Variants in RGS7 observed in about 807,000 individuals in gnomAD.
RGS7 encodes the protein regulator of G-protein signaling 7.
Under a neutral mutation model 81.1 loss-of-function variants are expected in RGS7, and 27 were observed. The observed-to-expected ratio is 0.33, with a 90% confidence interval of 0.25 to 0.46. RGS7 has a LOEUF of 0.46. Ranked by LOEUF, RGS7 falls within the 20% of genes least tolerant of loss-of-function variation. The pLI is 1.00. For synonymous variants in RGS7, 208 were observed against 207.7 expected, an observed-to-expected ratio of 1.00 and a Z score of -0.01; for missense variants, 396 against 607.4, an observed-to-expected ratio of 0.65 and a Z score of 3.66.
intron 3 of RGS7, chr1:240,998,337 A>G (rs1166156441): frequency 4.4e-6 from 2 of 455,186 alleles, no homozygotes; most frequent in African/African-American, 2.0e-5. Context: ...AGCTTCTTCA[A>G]CTGAAGGTTT....
intron 2 of RGS7, among the ~76,000 whole-genome samples, chr1:241,104,324 C>G (rs985522523): frequency 6.6e-6 from 1 of 152,110 alleles, no homozygotes; most frequent in African/African-American, 2.4e-5. Flanking sequence ...AATTGTCAAG[C>G]AATAAGTAGT....
chr1:240,920,608 T>A lies in RGS7; in HGVS notation c.385+10109A>T, dbSNP rs1420452019. 3.8e-6 allele frequency: 4 copies of A among 1,053,858 alleles called. No homozygotes were observed. In the Admixed American group the frequency reaches 6.8e-5, roughly 18 times the overall value. The allele number at this position is 1,053,858 out of a possible 1,614,324, so 65.3% of individuals were successfully genotyped here. On this transcript the variant is annotated intron_variant, in intron 6 of 18. Coordinates refer to ENST00000440928, the MANE Select transcript of RGS7 (RefSeq NM_001364886.1). ...AGTAGCTACGGCAGTGGCAGAAGAT[T>A]TTAATTAGGAAACAAAGCTTAGCGG... is the stretch of plus-strand genomic sequence containing the variant.
chr1:241,074,006 T>C (rs1475924755), intron 3 of RGS7, among the ~76,000 whole-genome samples: 1 of 152,072 alleles, frequency 6.6e-6, no homozygotes, highest in Admixed American at 6.5e-5. Context: ...GTTCAAGTGA[T>C]TCTCGTGCCT....
intron 13 of RGS7, among the ~76,000 whole-genome samples, 194 bp from the exon 14 acceptor site, chr1:240,812,237 T>A (rs377397226): frequency 6.6e-6 from 1 of 152,126 alleles, no homozygotes; most frequent in Non-Finnish European, 1.5e-5. Context: ...AGTCTAACAT[T>A]TATTGAGCAT....
chr1:241,153,526 C>G (rs1247375670), intron 2 of RGS7, among the ~76,000 whole-genome samples: 1 of 152,164 alleles, frequency 6.6e-6, no homozygotes, highest in Non-Finnish European at 1.5e-5. Flanking sequence ...AAGGGAAATA[C>G]TCTGTGCTGC....
chr1:240,885,763 G>A (rs1667244074), intron 6 of RGS7, among the ~76,000 whole-genome samples: 1 of 152,142 alleles, frequency 6.6e-6, no homozygotes. Context: ...GAGGGTGGGA[G>A]GAGGAAGAGG....
chr1:241,238,550 T>G (rs1318128388), intron 2 of RGS7, among the ~76,000 whole-genome samples: 1 of 152,164 alleles, frequency 6.6e-6, no homozygotes, highest in Non-Finnish European at 1.5e-5. Flanking sequence ...CTTTTAAAAT[T>G]TTTAGAGGAG....
intron 3 of RGS7, among the ~76,000 whole-genome samples, chr1:241,091,430 C>A (rs544512434): frequency 2.0e-5 from 3 of 151,944 alleles, no homozygotes; most frequent in African/African-American, 7.2e-5. Flanking sequence ...CACCTGTAGT[C>A]CCAGCTACTC....
intron 3 of RGS7, among the ~76,000 whole-genome samples, chr1:241,036,388 G>T (rs2060327862): frequency 6.6e-6 from 1 of 152,102 alleles, no homozygotes. Flanking sequence ...TTATTCATAA[G>T]TCCTGCCACT....
intron 2 of RGS7, among the ~76,000 whole-genome samples, chr1:241,314,068 G>A (rs1008565394): frequency 6.6e-6 from 1 of 152,136 alleles, no homozygotes; most frequent in Non-Finnish European, 1.5e-5. Flanking sequence ...TAGTGAAGAC[G>A]CTATGAACAT....
chr1:241,247,259 G>A (rs2148185518), intron 2 of RGS7, among the ~76,000 whole-genome samples: 1 of 152,174 alleles, frequency 6.6e-6, no homozygotes, highest in Non-Finnish European at 1.5e-5. Flanking sequence ...TAACTCGATT[G>A]GTTTTACAGT....
Position 240,965,669 on chromosome 1 carries a change from C to G in RGS7, c.226+17410G>C, listed in dbSNP as rs572185848. On this transcript the variant is annotated intron_variant, in intron 4 of 18. Coordinates refer to ENST00000440928, the MANE Select transcript of RGS7 (RefSeq NM_001364886.1). ...GACACTTCACACTCCACTGTTTGCTCCCGTTTCTCTTGTAAAGGGCTGGGT... is the reference window on the plus strand; with the variant it reads ...GACACTTCACACTCCACTGTTTGCTGCCGTTTCTCTTGTAAAGGGCTGGGT... Among the ~76,000 whole-genome samples, 772 of 152,238 alleles carry G rather than the reference C, an allele frequency of 5.1e-3. 11 individuals are homozygous for G. Among genetic ancestry groups the G allele is most frequent in the African/African-American group, 0.017 (714 of 41,546 alleles).
chr1:241,262,947 A>G (rs1243210536), intron 2 of RGS7, among the ~76,000 whole-genome samples: 2 of 152,112 alleles, frequency 1.3e-5, no homozygotes, highest in Non-Finnish European at 2.9e-5. Context: ...AAAAATACAA[A>G]AATTAGCCAG....
chr1:241,239,216 CA>C lies in RGS7; in HGVS notation c.78+116482del, dbSNP rs527633607. 6.3e-3 allele frequency among the ~76,000 whole-genome samples: 959 copies of C among 152,208 alleles called. 2 individuals are homozygous for C. Among genetic ancestry groups the C allele is most frequent in the African/African-American group, 0.022 (927 of 41,534 alleles). ...TCTCCGGACCTCGTGACCTGCCTCC[CA>C]CGGCCTCACAAAGTGCTGGGATTAC... is the stretch of plus-strand genomic sequence containing the variant. On this transcript the variant is annotated intron_variant, in intron 2 of 18. Transcript: ENST00000440928.
At chr1:241,351,736 A>G (rs1349760667) in intron 2 of RGS7, among the ~76,000 whole-genome samples, 1 of 152,178 alleles carries the variant, frequency 6.6e-6, no homozygotes, top group Non-Finnish European at 1.5e-5. Flanking sequence ...CATAGGAGAA[A>G]GGTGAGGGGA....
chr1:240,965,895 G>A (rs1263815259), intron 4 of RGS7, among the ~76,000 whole-genome samples: 1 of 152,180 alleles, frequency 6.6e-6, no homozygotes, highest in Non-Finnish European at 1.5e-5. Flanking sequence ...CAAATGTGAG[G>A]CCCCAGATGG....
At chr1:241,354,638 C>T (rs1264641040) in intron 2 of RGS7, among the ~76,000 whole-genome samples, 3 of 152,186 alleles carry the variant, frequency 2.0e-5, no homozygotes, top group African/African-American at 7.2e-5. Flanking sequence ...TAAAGTAGCA[C>T]ATAGTCTTTC....
At chr1:241,101,101 A>G (rs1327814923) in intron 2 of RGS7, among the ~76,000 whole-genome samples, 2 of 152,252 alleles carry the variant, frequency 1.3e-5, no homozygotes, top group African/African-American at 2.4e-5. Flanking sequence ...GTGCACAAAC[A>G]TTCTTCCATA....
chr1:240,954,163 T>G (rs1410556820), intron 4 of RGS7, among the ~76,000 whole-genome samples: 10 of 152,022 alleles, frequency 6.6e-5, no homozygotes, highest in Admixed American at 6.5e-4. Flanking sequence ...TACTGGTGAA[T>G]TCTATCAAAC....
Sources: allele counts gnomAD v4.1 joint callset (sites outside exome capture counted in the v4.1 genomes callset), GRCh38; gene constraint gnomAD v4.1.1; transcripts MANE v1.5; gene names NCBI Gene and HGNC (gene_info 2026-07-23, HGNC 2026-07-21).